CPEB2: variants seen among roughly 807,000 people sequenced by gnomAD.
The protein encoded by CPEB2 is cytoplasmic polyadenylation element-binding protein 2.
CPEB2 carries 56 observed loss-of-function variants against 93.6 expected under a neutral mutation model. That is an observed-to-expected ratio of 0.60 (90% CI 0.48 to 0.75). The LOEUF is 0.75. Among genes scored for constraint, CPEB2 ranks in the 30% least tolerant of loss-of-function variants. The pLI is 0.00. For missense variants in CPEB2, 1,579 were observed against 1,395.1 expected, an observed-to-expected ratio of 1.13 and a Z score of -2.10; for synonymous variants, 764 against 586.3, an observed-to-expected ratio of 1.30 and a Z score of -4.38.
chr4:15,054,434 A>G (rs1385427444), intron 8 of CPEB2, among the ~76,000 whole-genome samples: 1 of 152,220 alleles, frequency 6.6e-6, no homozygotes, highest in Non-Finnish European at 1.5e-5. Context: ...TCTCTGCATT[A>G]TGAAATTAAG....
chr4:15,059,019 G>GA (rs1246520559), intron 9 of CPEB2, among the ~76,000 whole-genome samples, 168 bp from the exon 10 acceptor site: 2 of 152,122 alleles, frequency 1.3e-5, no homozygotes, highest in Non-Finnish European at 2.9e-5. Context: ...AGAGACTGCG[G>GA]ATTTATAGTA....
chr4:15,010,996 T>C (rs1329363062), intron 3 of CPEB2, among the ~76,000 whole-genome samples: 3 of 151,820 alleles, frequency 2.0e-5, no homozygotes, highest in Non-Finnish European at 2.9e-5. Flanking sequence ...TTTTTAAAAA[T>C]AGAAAACCCT....
intron 4 of CPEB2, among the ~76,000 whole-genome samples, chr4:15,030,239 A>G (rs906657030): frequency 1.3e-5 from 2 of 152,110 alleles, no homozygotes; most frequent in African/African-American, 4.8e-5. Flanking sequence ...AAGAGATAAA[A>G]TTGTCCTACA....
chr4:15,008,929 T>G (rs1723143792), intron 3 of CPEB2, among the ~76,000 whole-genome samples: 1 of 152,220 alleles, frequency 6.6e-6, no homozygotes, highest in Non-Finnish European at 1.5e-5. Flanking sequence ...TATTCTAAAT[T>G]TTGTTACTGC....
intron 6 of CPEB2, among the ~76,000 whole-genome samples, chr4:15,051,543 G>C (rs1010000273): frequency 2.6e-5 from 4 of 151,510 alleles, no homozygotes; most frequent in Non-Finnish European, 5.9e-5. Flanking sequence ...ACTATGTACT[G>C]CTATTTTTCT....
chr4:15,013,492 C>A (rs1024457229), intron 3 of CPEB2, among the ~76,000 whole-genome samples: 2 of 151,838 alleles, frequency 1.3e-5, no homozygotes, highest in African/African-American at 4.8e-5. Context: ...TGAAAATTGC[C>A]TTAGTTCTTC....
Position 15,042,238 on chromosome 4 carries a change from TATC to T in CPEB2, c.2200+1754_2200+1756del, listed in dbSNP as rs557502245. On this transcript the variant is annotated intron_variant, in intron 6 of 11. Coordinates refer to ENST00000538197, the MANE Select transcript of CPEB2 (RefSeq NM_001177382.2). The stretch of plus-strand genomic sequence containing the variant: ...CTAATTTCGTATGCTCTCATGTAAA[TATC>T]ATGACCTAAGAAGTTCTTAGGAACA... Among the ~76,000 whole-genome samples, 14 of 152,336 alleles carry T rather than the reference TATC, an allele frequency of 9.2e-5. No individual in the cohort carries two copies. The South Asian group carries it at 2.7e-3, about 29-fold the overall frequency.
chr4:15,003,159 C>G lies in CPEB2; in HGVS notation c.486C>G (p.Ser162=), dbSNP rs1447485741. 3 of 1,534,432 alleles carry G rather than the reference C, an allele frequency of 2.0e-6. No individual in the cohort carries two copies. Among genetic ancestry groups the G allele is most frequent in the African/African-American group, 2.7e-5 (2 of 72,810 alleles). The change falls in exon 1 of 12, where the codon TCC becomes TCG. Residue 162 remains serine (S), a synonymous_variant. Transcript: ENST00000538197. ...ASSCCCCRTS[S]PQDFSKRQQQ... ...CCTGCTGCTGCTGCCGCACCTCCTC[C>G]CCGCAGGACTTCAGTAAGCGGCAGC...
chr4:15,007,572 C>G lies in CPEB2; in HGVS notation c.1930C>G (p.Leu644Val), dbSNP rs1355860570. 2 of 1,585,616 alleles carry G rather than the reference C, an allele frequency of 1.3e-6. No individual in the cohort carries two copies. Among genetic ancestry groups the G allele is most frequent in the Admixed American group, 1.7e-5 (1 of 58,062 alleles). The change falls in exon 2 of 12, where the codon CTC (leucine) becomes GTC (valine). Residue 644 changes from leucine to valine, a missense_variant. Leu to Val is a conservative substitution (Grantham distance 32). Around this residue, in one of 2 missense-constraint regions of CPEB2, gnomAD observed 1,411 missense variants for 1,056.0 expected, o/e 1.34. Coordinates refer to ENST00000538197, the MANE Select transcript of CPEB2 (RefSeq NM_001177382.2). ...VFRTDNNSNTLLPLQVRSSLQ... is the reference protein window; with the variant it reads ...VFRTDNNSNTVLPLQVRSSLQ... Reference sequence around the variant, plus strand: ...CAGAACAGACAACAATAGTAATACACTCTTACCCTTACAGGTAAGAATGGT... The same window carrying G: ...CAGAACAGACAACAATAGTAATACAGTCTTACCCTTACAGGTAAGAATGGT...
Position 15,066,148 on chromosome 4 carries a change from T to C in CPEB2, c.2878-5T>C, listed in dbSNP as rs185509657. The C allele has an allele frequency of 1.5e-4, 235 of 1,609,028 alleles. No homozygotes were observed. Among genetic ancestry groups the C allele is most frequent in the Non-Finnish European group, 2.0e-4 (234 of 1,176,002 alleles). On this transcript the variant is annotated splice_region_variant and splice_polypyrimidine_tract_variant and intron_variant, in intron 11 of 11. Coordinates refer to ENST00000538197, the MANE Select transcript of CPEB2 (RefSeq NM_001177382.2). The stretch of plus-strand genomic sequence containing the variant: ...TAATGAGACTTAACTTTCTTTTTTT[T>C]CAAGGTGGAGGTAAAGCCATATGTG...
At chr4:15,057,518 G>A (rs909858559) in intron 8 of CPEB2, among the ~76,000 whole-genome samples, 4 of 152,096 alleles carry the variant, frequency 2.6e-5, no homozygotes, top group South Asian at 2.1e-4. Flanking sequence ...ACATTTGTTC[G>A]CATAGAAATC....
At chr4:15,040,375 C>T (rs1158006516) in intron 5 of CPEB2, 89 bp from the exon 6 acceptor site, 11 of 1,227,296 alleles carry the variant, frequency 9.0e-6, no homozygotes, top group South Asian at 1.3e-5. Context: ...TTTCAGATGC[C>T]CACATAGCTT....
Position 15,067,625 on chromosome 4 carries a change from T to G in CPEB2, c.*1245T>G, listed in dbSNP as rs1264303559. 3 of 152,422 alleles carry G rather than the reference T, an allele frequency of 2.0e-5. No homozygotes were observed. Among genetic ancestry groups the G allele is most frequent in the Non-Finnish European group, 4.4e-5 (3 of 67,964 alleles). 9.4% of individuals were successfully genotyped at this position (152,422 alleles called of 1,614,324 possible). Reference sequence around the variant, plus strand: ...AGAAACCCATATTTAAAAATCTGAATTTTTTAGAAGAATGCAAAACTTTAG... The same window carrying G: ...AGAAACCCATATTTAAAAATCTGAAGTTTTTAGAAGAATGCAAAACTTTAG... On this transcript the variant is annotated 3_prime_UTR_variant, in exon 12 of 12. Transcript: ENST00000538197.
At chr4:15,054,267 C>A in intron 8 of CPEB2, 50 bp downstream of exon 8, 4 of 1,307,374 alleles carry the variant, frequency 3.1e-6, no homozygotes, top group East Asian at 2.4e-5. Flanking sequence ...TGTATGAGAG[C>A]AAAAGAAAGA....
chr4:15,015,205 G>C (rs186923311), intron 3 of CPEB2, among the ~76,000 whole-genome samples: 71 of 152,034 alleles, frequency 4.7e-4, no homozygotes, highest in African/African-American at 1.6e-3. Context: ...TGTTTCAGCA[G>C]TCTGTGTGTT....
chr4:15,002,963 T>G lies in CPEB2; in HGVS notation c.290T>G (p.Leu97Arg). ...CATCAGCAGACCATGCAGGATGAGC[T>G]GCTTCTGGGGCTGACACAGCAGCCG... Reference protein sequence around the residue: ...LAHQQTMQDELLLGLTQQPAR... With the variant: ...LAHQQTMQDERLLGLTQQPAR... The change falls in exon 1 of 12, where the codon CTG (leucine) becomes CGG (arginine). Residue 97 changes from leucine (L) to arginine (R), a missense_variant. Leu to Arg is a moderately radical substitution (Grantham distance 102). Coordinates refer to ENST00000538197, the MANE Select transcript of CPEB2 (RefSeq NM_001177382.2). 6.6e-7 allele frequency: 1 copy of G among 1,511,068 alleles called. No individual in the cohort carries two copies. The highest frequency in any genetic ancestry group is 8.8e-7 in the Non-Finnish European group (1 of 1,140,052). The allele number at this position is 1,511,068 out of a possible 1,614,324, so 93.6% of individuals were successfully genotyped here.
Position 15,003,958 on chromosome 4 carries a change from G to C in CPEB2, c.1285G>C (p.Gly429Arg). ...PPGSSATTPGGGSGGSLSAMP... is the reference protein window; with the variant it reads ...PPGSSATTPGRGSGGSLSAMP... ...CGGCTCGTCTGCCACCACCCCGGGC[G>C]GCGGCAGCGGCGGCTCGCTCAGCGC... The change falls in exon 1 of 12, where the codon GGC becomes CGC. Residue 429 changes from glycine (G) to arginine (R), a missense_variant. Coordinates refer to ENST00000538197, the MANE Select transcript of CPEB2 (RefSeq NM_001177382.2). 7.6e-7 allele frequency: 1 copy of C among 1,313,234 alleles called. No individual in the cohort carries two copies. The highest frequency in any genetic ancestry group is 9.8e-7 in the Non-Finnish European group (1 of 1,018,776). 81.3% of individuals were successfully genotyped at this position (1,313,234 alleles called of 1,614,324 possible).
intron 11 of CPEB2, among the ~76,000 whole-genome samples, chr4:15,064,927 A>C (rs137912217): frequency 0.016 from 2,382 of 152,254 alleles, 35 homozygotes; most frequent in Non-Finnish European, 0.021. Context: ...GACAAAAGAG[A>C]ACTCATAAAT....
rs1013143521 is a variant in CPEB2 at position 15,008,406 on chromosome 4, C to T, written c.2013C>T (p.Ala671=). The change falls in exon 3 of 12, where the codon GCC becomes GCT. Residue 671 remains alanine, a synonymous_variant. Transcript: ENST00000538197. ...DSLQDSWCTA[A]GTSRIDQDRS... ...TCCAAGATAGTTGGTGCACTGCAGCCGGAACATCCAGAATAGACCAGGTAG... is the reference window on the plus strand; with the variant it reads ...TCCAAGATAGTTGGTGCACTGCAGCTGGAACATCCAGAATAGACCAGGTAG... 3.1e-6 allele frequency: 5 copies of T among 1,613,262 alleles called. No homozygotes were observed. Among genetic ancestry groups the T allele is most frequent in the Non-Finnish European group, 3.4e-6 (4 of 1,179,504 alleles).
Sources: gnomAD v4.1 joint callset for allele counts (sites outside exome capture counted in the v4.1 genomes callset) on GRCh38, gnomAD v4.1.1 for gene constraint, gnomAD v4.1.1 regional missense constraint, MANE v1.5 for transcripts, NCBI Gene and HGNC (gene_info 2026-07-23, HGNC 2026-07-21) for gene names.